The following KRABD4 variants were observed in gnomAD, a reference collection of about 807,000 sequenced individuals.
KRABD4 encodes the protein KRAB domain-containing protein 4.
chrX:46,464,761 A>G, the KRABD4 span, among the ~76,000 whole-genome samples: 1 of 112,370 alleles, frequency 8.9e-6, no homozygotes, highest in South Asian at 3.7e-4. Flanking sequence ...GTGCTATCCC[A>G]GAAGGGAGGA....
chrX:46,471,969 T>C, the KRABD4 span: 2 of 112,069 alleles, frequency 1.8e-5, no homozygotes, highest in Non-Finnish European at 3.8e-5. Flanking sequence ...CAACTCATTG[T>C]GGTTCATTTC....
chrX:46,470,883 T>A, the KRABD4 span, among the ~76,000 whole-genome samples: 3 of 111,331 alleles, frequency 2.7e-5, no homozygotes, highest in Non-Finnish European at 5.7e-5. Flanking sequence ...TATGATTTTG[T>A]ATAAATTTGT....
At chrX:46,464,104 T>C in the KRABD4 span, among the ~76,000 whole-genome samples, 2 of 110,574 alleles carry the variant, frequency 1.8e-5, no homozygotes, top group African/African-American at 6.6e-5. Flanking sequence ...GGTGGAATAC[T>C]TCAGTGAACC....
At chrX:46,471,230 T>C in the KRABD4 span, 16 of 1,118,142 alleles carry the variant, frequency 1.4e-5, no homozygotes, top group East Asian at 5.3e-4. Flanking sequence ...AAGAATTGAC[T>C]GTTTTATCAT....
the KRABD4 span, among the ~76,000 whole-genome samples, chrX:46,453,466 T>C: frequency 9.0e-6 from 1 of 111,619 alleles, no homozygotes; most frequent in East Asian, 2.8e-4. Flanking sequence ...TTTTAAATGG[T>C]ACAATGTTTT....
the KRABD4 span, chrX:46,473,741 G>A: frequency 5.5e-3 from 884 of 160,701 alleles, 8 homozygotes; most frequent in African/African-American, 0.027. Context: ...TGCAACCTCC[G>A]CCTCTTGGGT....
the KRABD4 span, chrX:46,462,878 A>T: frequency 8.3e-7 from 1 of 1,209,842 alleles, no homozygotes; most frequent in Non-Finnish European, 1.1e-6. Context: ...TCCGTGGGTG[A>T]GGGACCGTGC....
chrX:46,448,455 G>C, the KRABD4 span: 1 of 113,127 alleles, frequency 8.8e-6, no homozygotes, highest in Admixed American at 9.3e-5. Context: ...AGAAGCCTCA[G>C]CCCAGAGCCC....
chrX:46,450,141 T>G, the KRABD4 span, among the ~76,000 whole-genome samples: 3 of 112,299 alleles, frequency 2.7e-5, no homozygotes, highest in Non-Finnish European at 5.6e-5. Context: ...TGTTTCATTA[T>G]GACAAATGTC....
the KRABD4 span, among the ~76,000 whole-genome samples, chrX:46,450,954 C>T: frequency 2.0e-4 from 22 of 110,683 alleles, no homozygotes; most frequent in Non-Finnish European, 4.0e-4. Context: ...CCCCCCACCT[C>T]GGCCTCCAAA....
chrX:46,453,734 A>G, the KRABD4 span, among the ~76,000 whole-genome samples: 4 of 112,248 alleles, frequency 3.6e-5, no homozygotes, highest in African/African-American at 9.7e-5. Flanking sequence ...GAATACAGTA[A>G]AAAAGTCATA....
At chrX:46,459,168 G>T in the KRABD4 span, among the ~76,000 whole-genome samples, 1 of 109,893 alleles carries the variant, frequency 9.1e-6, no homozygotes, top group African/African-American at 3.3e-5. Context: ...CAAAAAATTA[G>T]CCAGGCATGG....
At chrX:46,455,518 C>T in the KRABD4 span, 6 of 431,776 alleles carry the variant, frequency 1.4e-5, no homozygotes, top group Non-Finnish European at 2.5e-5. Context: ...TGAGAAATGG[C>T]CTCTTCCCAG....
At chrX:46,453,876 A>G in the KRABD4 span, among the ~76,000 whole-genome samples, 1 of 111,975 alleles carries the variant, frequency 8.9e-6, no homozygotes, top group Middle Eastern at 4.2e-3. Flanking sequence ...ATAAAACCAC[A>G]GTTTATTCAA....
the KRABD4 span, among the ~76,000 whole-genome samples, chrX:46,465,188 T>A: frequency 1.8e-5 from 2 of 113,262 alleles, no homozygotes; most frequent in African/African-American, 6.4e-5. Flanking sequence ...TTAAAAAATC[T>A]AGCTAAGTGC....
the KRABD4 span, among the ~76,000 whole-genome samples, chrX:46,460,112 G>A: frequency 8.9e-6 from 1 of 112,055 alleles, no homozygotes; most frequent in African/African-American, 3.2e-5. Flanking sequence ...GTTTCCCTGA[G>A]TTTCCCCTAT....
At chrX:46,459,312 AAAAAAAAAAAAAG>A in the KRABD4 span, among the ~76,000 whole-genome samples, 4 of 47,628 alleles carry the variant, frequency 8.4e-5, no homozygotes, top group South Asian at 1.1e-3. Flanking sequence ...AGACTGTCTC[AAAAAAAAAAAAAG>A]AAAAAAAAAA....
the KRABD4 span, among the ~76,000 whole-genome samples, chrX:46,466,726 T>C: frequency 2.7e-5 from 3 of 112,812 alleles, no homozygotes; most frequent in Non-Finnish European, 5.6e-5. Context: ...TTTATGTTGA[T>C]GTGACTGCAT....
chrX:46,458,475 A>G, the KRABD4 span, among the ~76,000 whole-genome samples: 1 of 111,946 alleles, frequency 8.9e-6, no homozygotes, highest in South Asian at 3.7e-4. Flanking sequence ...GAAGACTCAT[A>G]GTAACAGAAA....
Sources: allele counts gnomAD v4.1 joint callset (sites outside exome capture counted in the v4.1 genomes callset), GRCh38; gene constraint gnomAD v4.1.1; transcripts MANE v1.5; gene names NCBI Gene and HGNC (gene_info 2026-07-23, HGNC 2026-07-21).